ANK2: variants seen among roughly 807,000 people sequenced by gnomAD.
ANK2 encodes ankyrin-2.
ANK2 carries 83 observed loss-of-function variants against 360.5 expected under a neutral mutation model. That is an observed-to-expected ratio of 0.23 (90% confidence interval 0.19 to 0.28). The LOEUF is 0.28. ANK2 is among the 10% of genes least tolerant of loss of function. The pLI is 1.00. For synonymous variants in ANK2, 1,740 were observed against 1,759.5 expected (o/e 0.99, Z 0.28); for missense variants, 4,201 against 4,795.7 (o/e 0.88, Z 3.66).
chr4:112,997,660 A>G (rs2049046216), intron 2 of ANK2, among the ~76,000 whole-genome samples: 1 of 151,990 alleles, frequency 6.6e-6, no homozygotes, highest in African/African-American at 2.4e-5. Flanking sequence ...TATTTTGGTC[A>G]TATTATCATT....
chr4:112,896,837 C>T (rs2081907049), intron 1 of ANK2, among the ~76,000 whole-genome samples: 1 of 152,310 alleles, frequency 6.6e-6, no homozygotes, highest in East Asian at 1.9e-4. Flanking sequence ...CTTACCTGCT[C>T]CTTCCAGTGA....
intron 2 of ANK2, among the ~76,000 whole-genome samples, chr4:113,180,072 G>A (rs937370863): frequency 2.0e-5 from 3 of 152,194 alleles, no homozygotes; most frequent in Non-Finnish European, 2.9e-5. Context: ...AGGCAAGGTC[G>A]AAGCACCATT....
At chr4:113,346,111 A>C in intron 35 of ANK2, 89 bp downstream of exon 35, 1 of 1,492,890 alleles carries the variant, frequency 6.7e-7, no homozygotes, top group Non-Finnish European at 9.3e-7. Context: ...GTAATGGCAA[A>C]AACAGCAATT....
At chr4:112,794,123 A>G in the ANK2 span, among the ~76,000 whole-genome samples, 3 of 152,248 alleles carry the variant, frequency 2.0e-5, no homozygotes, top group African/African-American at 7.2e-5. Context: ...TTTACAATGC[A>G]AACACAGAAC....
Position 113,040,951 on chromosome 4 carries a change from AG to A in ANK2, c.22-133463del, listed in dbSNP as rs372488110. Reference sequence around the variant, plus strand: ...GTGATGATGAGGTCTCTTTCTGTTTAGGCAAGATGCCTTCCCACTGTCCTCT... The same window carrying A: ...GTGATGATGAGGTCTCTTTCTGTTTAGCAAGATGCCTTCCCACTGTCCTCT... On this transcript the variant is annotated intron_variant, in intron 2 of 30. Coordinates refer to the ANK2 transcript ENST00000503271. Among the ~76,000 whole-genome samples, 19 of 152,150 alleles carry A rather than the reference AG, an allele frequency of 1.2e-4. 1 individual carries two copies. In the East Asian group the frequency reaches 1.9e-3, roughly 16 times the overall value.
At chr4:112,975,774 GTAT>G (rs2041170281) in intron 2 of ANK2, among the ~76,000 whole-genome samples, 1 of 152,058 alleles carries the variant, frequency 6.6e-6, no homozygotes, top group Non-Finnish European at 1.5e-5. Flanking sequence ...CAGTTCCTCT[GTAT>G]TATGATGATC....
intron 1 of ANK2, among the ~76,000 whole-genome samples, chr4:113,144,815 A>T (rs112940735): frequency 6.9e-6 from 1 of 145,950 alleles, no homozygotes; most frequent in African/African-American, 2.5e-5. Flanking sequence ...TTATATATAA[A>T]TATATAGTTA....
At position 113,354,175 on chromosome 4, in the gene ANK2, A is replaced by G. The variant is rs758410989; in HGVS notation, c.5557A>G (p.Lys1853Glu). ...PPVSPSSKTE[K>E]HSPVSPSAKT... is the part of the protein sequence containing the mutation. ...AGTATCACCATCAAGTAAAACTGAGAAACACTCACCTGTGTCACCCTCTGC... is the reference window on the plus strand; with the variant it reads ...AGTATCACCATCAAGTAAAACTGAGGAACACTCACCTGTGTCACCCTCTGC... The change falls in exon 38 of 46, where the codon AAA becomes GAA. Residue 1853 changes from lysine to glutamate, a missense_variant. Transcript: ENST00000357077. 6.2e-7 allele frequency: 1 copy of G among 1,614,070 alleles called. No homozygotes were observed. The highest frequency in any genetic ancestry group is 1.1e-5 in the South Asian group (1 of 91,080).
chr4:113,322,950 GT>G (rs1456062728), intron 26 of ANK2, among the ~76,000 whole-genome samples: 3 of 151,994 alleles, frequency 2.0e-5, no homozygotes, highest in Admixed American at 1.3e-4. Context: ...GATGAGGAAA[GT>G]TTTTTCATAA....
At chr4:113,009,430 A>G (rs1040994436) in intron 2 of ANK2, among the ~76,000 whole-genome samples, 14 of 152,170 alleles carry the variant, frequency 9.2e-5, no homozygotes, top group African/African-American at 3.4e-4. Context: ...CCAATTGTTA[A>G]TCTGAAAACA....
intron 26 of ANK2, among the ~76,000 whole-genome samples, chr4:113,325,110 C>A (rs1301847116): frequency 6.6e-6 from 1 of 152,160 alleles, no homozygotes; most frequent in African/African-American, 2.4e-5. Context: ...TTCTACTTTG[C>A]ATGATTGCTG....
chr4:112,993,512 T>G (rs2047548676), intron 2 of ANK2, among the ~76,000 whole-genome samples: 1 of 152,006 alleles, frequency 6.6e-6, no homozygotes, highest in Non-Finnish European at 1.5e-5. Context: ...TTCACCATTG[T>G]GGCCAGGCTG....
intron 1 of ANK2, among the ~76,000 whole-genome samples, chr4:113,116,605 G>A (rs1033602959): frequency 1.3e-5 from 2 of 152,186 alleles, no homozygotes; most frequent in African/African-American, 4.8e-5. Flanking sequence ...AATGAACCTT[G>A]GAGAAGGAAA....
intron 2 of ANK2, among the ~76,000 whole-genome samples, chr4:112,936,646 C>T (rs1007398803): frequency 6.6e-6 from 1 of 152,086 alleles, no homozygotes; most frequent in Non-Finnish European, 1.5e-5. Flanking sequence ...GCCCGGCCAG[C>T]ATTATCCATT....
chr4:113,287,559 T>C, intron 18 of ANK2, 46 bp from the exon 19 acceptor site: 1 of 1,335,562 alleles, frequency 7.5e-7, no homozygotes, highest in Non-Finnish European at 1.1e-6. Flanking sequence ...TGATGCAATG[T>C]ATTTTCTTCT....
At chr4:113,246,418 A>G (rs1201913791) in intron 9 of ANK2, among the ~76,000 whole-genome samples, 1 of 152,162 alleles carries the variant, frequency 6.6e-6, no homozygotes, top group African/African-American at 2.4e-5. Context: ...CTAATGTGAA[A>G]CTCTAAGACA....
intron 1 of ANK2, among the ~76,000 whole-genome samples, chr4:113,158,795 G>T (rs1362557081): frequency 6.6e-6 from 1 of 152,076 alleles, no homozygotes; most frequent in South Asian, 2.1e-4. Flanking sequence ...TGTTAATTTG[G>T]CATTTCAACT....
intron 2 of ANK2, among the ~76,000 whole-genome samples, chr4:112,978,021 A>G (rs1451301926): frequency 6.6e-6 from 1 of 152,136 alleles, no homozygotes; most frequent in Admixed American, 6.5e-5. Context: ...AGGTAGGTGG[A>G]TCACCTGAGG....
intron 4 of ANK2, among the ~76,000 whole-genome samples, chr4:113,220,737 A>G (rs1200689388): frequency 1.3e-5 from 2 of 152,210 alleles, no homozygotes; most frequent in Admixed American, 6.5e-5. Flanking sequence ...TTTCTGTAGA[A>G]TGGGGTGATG....
Sources: gnomAD v4.1 joint callset for allele counts (sites outside exome capture counted in the v4.1 genomes callset) on GRCh38, gnomAD v4.1.1 for gene constraint, MANE v1.5 for transcripts, NCBI Gene and HGNC (gene_info 2026-07-23, HGNC 2026-07-21) for gene names.